The following SEMA3A variants were observed in gnomAD, a reference collection of about 807,000 sequenced individuals.
The protein encoded by SEMA3A is semaphorin-3A.
Under a neutral mutation model 97.9 loss-of-function variants are expected in SEMA3A, and 29 were observed. That is an observed-to-expected ratio of 0.30 (90% CI 0.22 to 0.40). The LOEUF is 0.40. Ranked by LOEUF, SEMA3A falls within the 10% of genes least tolerant of loss-of-function variation. The pLI is 1.00. For missense variants in SEMA3A, 763 were observed against 951.3 expected, an observed-to-expected ratio of 0.80 and a Z score of 2.60; for synonymous variants, 321 against 323.7, an observed-to-expected ratio of 0.99 and a Z score of 0.09.
At chr7:84,234,120 G>A in intron 3 of SEMA3A, among the ~76,000 whole-genome samples, 1 of 152,092 alleles carries the variant, frequency 6.6e-6, no homozygotes, top group Non-Finnish European at 1.5e-5. Flanking sequence ...TTTTACAGGG[G>A]ATGGGGGGTG....
At chr7:84,291,683 G>C (rs1453461121) in intron 3 of SEMA3A, among the ~76,000 whole-genome samples, 1 of 152,046 alleles carries the variant, frequency 6.6e-6, no homozygotes, top group African/African-American at 2.4e-5. Context: ...AAATATAATA[G>C]AAGATGATTT....
At chr7:84,295,247 C>T (rs922711210) in intron 3 of SEMA3A, among the ~76,000 whole-genome samples, 1 of 151,924 alleles carries the variant, frequency 6.6e-6, no homozygotes, top group Non-Finnish European at 1.5e-5. Context: ...TCAAAATAGA[C>T]ATTAATCAAA....
intron 6 of SEMA3A, among the ~76,000 whole-genome samples, chr7:84,020,750 G>C (rs1476625052): frequency 6.6e-6 from 1 of 151,684 alleles, no homozygotes; most frequent in East Asian, 1.9e-4. Flanking sequence ...TTGTTTTCTT[G>C]TTTTATAATC....
At chr7:84,393,150 G>T (rs547479282) in intron 1 of SEMA3A, among the ~76,000 whole-genome samples, 45 of 152,180 alleles carry the variant, frequency 3.0e-4, no homozygotes, top group African/African-American at 1.1e-3. Flanking sequence ...TTGCCCCTAT[G>T]TTTTCTTCTA....
At chr7:84,483,485 T>C (rs1236543093) in intron 1 of SEMA3A, among the ~76,000 whole-genome samples, 1 of 152,158 alleles carries the variant, frequency 6.6e-6, no homozygotes, top group Admixed American at 6.5e-5. Flanking sequence ...TCATTTTTTA[T>C]AGAGAAGGAG....
At chr7:84,343,797 G>A (rs1363853830) in intron 2 of SEMA3A, among the ~76,000 whole-genome samples, 1 of 152,058 alleles carries the variant, frequency 6.6e-6, no homozygotes, top group African/African-American at 2.4e-5. Context: ...TGTAAAACAA[G>A]CCTGAGGAAC....
At chr7:84,070,811 G>A (rs1464486343) in intron 4 of SEMA3A, among the ~76,000 whole-genome samples, 1 of 151,920 alleles carries the variant, frequency 6.6e-6, no homozygotes, top group Non-Finnish European at 1.5e-5. Context: ...CAGCCTGAGG[G>A]TGACCTTCTT....
At chr7:84,320,114 C>T (rs1275051652) in intron 2 of SEMA3A, among the ~76,000 whole-genome samples, 3 of 152,008 alleles carry the variant, frequency 2.0e-5, no homozygotes, top group Non-Finnish European at 4.4e-5. Context: ...TGGGCCCACA[C>T]TATGATTATG....
At chr7:84,097,392 T>C (rs921355762) in intron 4 of SEMA3A, among the ~76,000 whole-genome samples, 1 of 152,112 alleles carries the variant, frequency 6.6e-6, no homozygotes, top group Admixed American at 6.6e-5. Flanking sequence ...AGTGAATAGA[T>C]AAGTATTTTT....
At chr7:84,415,594 C>G (rs1413017139) in intron 1 of SEMA3A, among the ~76,000 whole-genome samples, 1 of 152,018 alleles carries the variant, frequency 6.6e-6, no homozygotes, top group Non-Finnish European at 1.5e-5. Flanking sequence ...CTACTTATAC[C>G]TGATGAATCT....
intron 6 of SEMA3A, 65 bp downstream of exon 6, chr7:84,046,259 A>G (rs1256517861): frequency 1.3e-5 from 20 of 1,565,756 alleles, no homozygotes; most frequent in African/African-American, 1.4e-5. Flanking sequence ...ACTGTAAAAG[A>G]GTTCTCTAGT....
chr7:84,391,546 C>T (rs1347648838), intron 1 of SEMA3A, among the ~76,000 whole-genome samples: 1 of 152,082 alleles, frequency 6.6e-6, no homozygotes, highest in Non-Finnish European at 1.5e-5. Flanking sequence ...AGACAGATTG[C>T]CTACTCTGGA....
At chr7:84,065,598 A>G (rs1417339274) in intron 4 of SEMA3A, among the ~76,000 whole-genome samples, 1 of 150,438 alleles carries the variant, frequency 6.6e-6, no homozygotes, top group Admixed American at 6.6e-5. Flanking sequence ...ATCACCACTG[A>G]TCCCACAGAA....
chr7:84,265,333 C>T (rs1799963606), intron 3 of SEMA3A, among the ~76,000 whole-genome samples: 1 of 151,412 alleles, frequency 6.6e-6, no homozygotes, highest in Non-Finnish European at 1.5e-5. Context: ...TGGAACTGCT[C>T]CTTAAATGCT....
At chr7:84,403,997 C>A (rs960720659) in intron 1 of SEMA3A, among the ~76,000 whole-genome samples, 2 of 152,200 alleles carry the variant, frequency 1.3e-5, no homozygotes, top group Non-Finnish European at 2.9e-5. Flanking sequence ...CTCTCCTCCT[C>A]CAACGGAACA....
chr7:84,313,398 ATATAT>A (rs1562898831), intron 2 of SEMA3A, among the ~76,000 whole-genome samples: 37 of 125,482 alleles, frequency 2.9e-4, no homozygotes, highest in African/African-American at 1.1e-3. Flanking sequence ...ATATATATAT[ATATAT>A]ATAAACTATA....
chr7:84,472,827 AT>A (rs1806187216), intron 1 of SEMA3A, among the ~76,000 whole-genome samples: 1 of 152,178 alleles, frequency 6.6e-6, no homozygotes, highest in Non-Finnish European at 1.5e-5. Context: ...GAAAAATAAC[AT>A]TCAAACAAAA....
chr7:84,395,100 C>A (rs1228872), intron 1 of SEMA3A, among the ~76,000 whole-genome samples: 2 of 151,806 alleles, frequency 1.3e-5, no homozygotes, highest in East Asian at 3.9e-4. Context: ...CTAAAATAAA[C>A]CCACAGCAGA....
At chr7:84,447,793 G>T (rs1805457919) in intron 1 of SEMA3A, among the ~76,000 whole-genome samples, 1 of 152,208 alleles carries the variant, frequency 6.6e-6, no homozygotes, top group Non-Finnish European at 1.5e-5. Context: ...TTGCCACGTT[G>T]CGGGCTATGA....
Sources: gnomAD v4.1 joint callset for allele counts (sites outside exome capture counted in the v4.1 genomes callset) on GRCh38, gnomAD v4.1.1 for gene constraint, MANE v1.5 for transcripts, NCBI Gene and HGNC (gene_info 2026-07-23, HGNC 2026-07-21) for gene names.